MAGI1: variants seen among roughly 807,000 people sequenced by gnomAD.
MAGI1 encodes membrane-associated guanylate kinase, WW and PDZ domain-containing protein 1.
Under a neutral mutation model 139.9 loss-of-function variants are expected in MAGI1, and 58 were observed. The observed-to-expected ratio is 0.41, with a 90% CI of 0.34 to 0.52. The LOEUF (loss-of-function observed/expected upper bound fraction) is 0.52. MAGI1 is among the 20% of genes least tolerant of loss of function. The pLI, the probability that MAGI1 is intolerant of heterozygous loss-of-function variation, is 0.12. For synonymous variants in MAGI1, 812 were observed against 737.9 expected, an observed-to-expected ratio of 1.10 and a Z score of -1.63; for missense variants, 1,874 against 1,901.6, an observed-to-expected ratio of 0.99 and a Z score of 0.27.
intron 2 of MAGI1, among the ~76,000 whole-genome samples, chr3:65,496,647 C>G (rs901400962): frequency 3.7e-4 from 57 of 152,226 alleles, no homozygotes; most frequent in African/African-American, 1.4e-3. Flanking sequence ...GCTCTCCATG[C>G]CACCCACCAA....
intron 2 of MAGI1, among the ~76,000 whole-genome samples, chr3:65,599,521 C>G (rs2082383063): frequency 6.6e-6 from 1 of 152,102 alleles, no homozygotes; most frequent in Non-Finnish European, 1.5e-5. Flanking sequence ...CTCCATCTTT[C>G]CATTTTCCAG....
intron 2 of MAGI1, among the ~76,000 whole-genome samples, chr3:65,522,319 T>C (rs975982672): frequency 2.9e-4 from 44 of 152,314 alleles, no homozygotes; most frequent in Admixed American, 2.3e-3. Context: ...GAGCATTTCA[T>C]AGGACTAGTG....
intron 1 of MAGI1, among the ~76,000 whole-genome samples, chr3:65,824,290 A>C (rs1191044565): frequency 2.0e-5 from 3 of 152,178 alleles, no homozygotes; most frequent in South Asian, 4.1e-4. Flanking sequence ...TAATGGCCAG[A>C]GCTGCAGATG....
At chr3:66,032,600 C>A (rs909548676) in intron 1 of MAGI1, among the ~76,000 whole-genome samples, 2 of 151,612 alleles carry the variant, frequency 1.3e-5, no homozygotes, top group Non-Finnish European at 2.9e-5. Context: ...AACTTCTATT[C>A]TCATGGGAGG....
At chr3:65,700,315 TC>T (rs1410172663) in intron 1 of MAGI1, among the ~76,000 whole-genome samples, 1 of 151,988 alleles carries the variant, frequency 6.6e-6, no homozygotes, top group African/African-American at 2.4e-5. Flanking sequence ...GGTGGTGCAT[TC>T]CTGTAATCCC....
At chr3:65,878,672 A>C (rs1007391804) in intron 1 of MAGI1, among the ~76,000 whole-genome samples, 1 of 152,244 alleles carries the variant, frequency 6.6e-6, no homozygotes, top group Non-Finnish European at 1.5e-5. Flanking sequence ...ACCAGTGACA[A>C]AATGGATATG....
At chr3:65,757,822 T>C (rs2036684862) in intron 1 of MAGI1, among the ~76,000 whole-genome samples, 1 of 151,748 alleles carries the variant, frequency 6.6e-6, no homozygotes, top group Non-Finnish European at 1.5e-5. Context: ...ATTTCTGCTT[T>C]CTCTGGTTTA....
chr3:65,437,693 T>A (rs979441835), intron 9 of MAGI1, among the ~76,000 whole-genome samples: 8 of 152,138 alleles, frequency 5.3e-5, no homozygotes, highest in African/African-American at 1.9e-4. Context: ...TGAATCCAAA[T>A]GAGACCTATT....
chr3:66,033,889 A>G (rs1467317294), intron 1 of MAGI1, among the ~76,000 whole-genome samples: 1 of 152,184 alleles, frequency 6.6e-6, no homozygotes, highest in Admixed American at 6.5e-5. Flanking sequence ...TGGGTGATTC[A>G]TGGAAACAAA....
chr3:65,755,945 C>T (rs2036529144), intron 1 of MAGI1, among the ~76,000 whole-genome samples: 1 of 152,182 alleles, frequency 6.6e-6, no homozygotes, highest in Admixed American at 6.5e-5. Context: ...TGATCACTTA[C>T]ATTTCAAATT....
At chr3:65,855,044 G>A (rs754697658) in intron 1 of MAGI1, among the ~76,000 whole-genome samples, 41 of 152,196 alleles carry the variant, frequency 2.7e-4, no homozygotes, top group Non-Finnish European at 4.1e-4. Context: ...TGCAGAGGGT[G>A]TGCCACACCT....
chr3:65,598,198 C>A (rs1309897885), intron 2 of MAGI1, among the ~76,000 whole-genome samples: 6 of 137,858 alleles, frequency 4.4e-5, no homozygotes, highest in African/African-American at 1.7e-4. Context: ...ATATCTAGGC[C>A]GGGGGGATTA....
At chr3:66,031,331 T>C (rs1228686979) in intron 1 of MAGI1, among the ~76,000 whole-genome samples, 1 of 152,224 alleles carries the variant, frequency 6.6e-6, no homozygotes, top group Non-Finnish European at 1.5e-5. Context: ...AGCAACATCC[T>C]TCATGTAAAC....
intron 1 of MAGI1, among the ~76,000 whole-genome samples, chr3:65,740,799 T>G (rs1045022965): frequency 1.3e-5 from 2 of 152,198 alleles, no homozygotes; most frequent in Non-Finnish European, 2.9e-5. Flanking sequence ...TTAAGGCACA[T>G]AGTGCTAAGT....
chr3:66,017,031 G>GAAAA (rs1371404236), intron 1 of MAGI1, among the ~76,000 whole-genome samples: 1 of 152,182 alleles, frequency 6.6e-6, no homozygotes, highest in Non-Finnish European at 1.5e-5. Context: ...AGGAGAAGAT[G>GAAAA]AAAAAGTTCT....
intron 9 of MAGI1, among the ~76,000 whole-genome samples, chr3:65,439,663 T>C (rs572957578): frequency 1.3e-5 from 2 of 152,168 alleles, no homozygotes; most frequent in East Asian, 3.9e-4. Flanking sequence ...TAAATTAAAA[T>C]GGAGATTTGA....
rs150177609 is a variant in MAGI1 at position 66,009,376 on chromosome 3, G to A, written c.313+28620C>T. Among the ~76,000 whole-genome samples, 641 of 152,220 alleles carry A rather than the reference G, an allele frequency of 4.2e-3. 9 individuals carry two copies. The highest frequency in any genetic ancestry group is 0.015 in the African/African-American group (620 of 41,530). On this transcript the variant is annotated intron_variant, in intron 1 of 22. Coordinates refer to ENST00000402939, the MANE Select transcript of MAGI1 (RefSeq NM_001033057.2). ...AATACAAAAATTAGCCGGGCGTGGT[G>A]GCCGGTGCTTGTAATCCCAGCTACC...
rs2079158776 is a variant in MAGI1, at chr3:65,540,483, A to G, written c.431-46852T>C. 2.0e-5 allele frequency among the ~76,000 whole-genome samples: 3 copies of G among 152,324 alleles called. No homozygotes were observed. In the East Asian group the frequency reaches 5.8e-4, roughly 29 times the overall value. On this transcript the variant is annotated intron_variant, in intron 2 of 22. Coordinates refer to ENST00000402939, the MANE Select transcript of MAGI1 (RefSeq NM_001033057.2). The stretch of plus-strand genomic sequence containing the variant: ...ACAGAGACCCTCAATAAATACCTGC[A>G]GGATGGTAGAATGAATATACATTTT...
At chr3:65,845,928 T>C (rs1190265902) in intron 1 of MAGI1, among the ~76,000 whole-genome samples, 4 of 152,214 alleles carry the variant, frequency 2.6e-5, no homozygotes, top group Non-Finnish European at 5.9e-5. Flanking sequence ...CCTATCAGAT[T>C]CTTTTGTCCT....
Sources: allele counts gnomAD v4.1 joint callset (sites outside exome capture counted in the v4.1 genomes callset), GRCh38; gene constraint gnomAD v4.1.1; transcripts MANE v1.5; gene names NCBI Gene and HGNC (gene_info 2026-07-23, HGNC 2026-07-21).